Variants in RUBCNL observed in about 807,000 individuals in gnomAD.
RUBCNL encodes protein associated with UVRAG as autophagy enhancer.
A neutral mutation model predicts 69.5 loss-of-function variants in RUBCNL; 62 were observed. The ratio of observed to expected loss-of-function variants is 0.89; its 90% confidence interval spans 0.73 to 1.10. The LOEUF (loss-of-function observed/expected upper bound fraction) is 1.10. Ranked by LOEUF, RUBCNL falls within the 50% of genes least tolerant of loss-of-function variation. The pLI, the probability that RUBCNL is intolerant of heterozygous loss-of-function variation, is 0.00. For missense variants in RUBCNL, 768 were observed against 798.1 expected, an observed-to-expected ratio of 0.96 and a Z score of 0.45; for synonymous variants, 291 against 303.6, an observed-to-expected ratio of 0.96 and a Z score of 0.43.
At chr13:46,355,561 GT>G in intron 10 of RUBCNL, among the ~76,000 whole-genome samples, 1 of 152,244 alleles carries the variant, frequency 6.6e-6, no homozygotes, top group East Asian at 1.9e-4. Flanking sequence ...GCCTCCCAAA[GT>G]GCTGGGATTA....
chr13:46,350,285 T>A lies in RUBCNL; in HGVS notation c.1397A>T (p.Tyr466Phe), dbSNP rs745989558. ...GKYFCDCCHS[Y>F]AESCIPARIL... ...TCGGGCAGGGATGCACGACTCTGCA[T>A]ATGAGTGGCAGCAGTCACAGAAATA... Residue 466 changes from tyrosine to phenylalanine, a missense_variant, in exon 11 of 15, where the codon TAT becomes TTT. By Grantham distance (22) the Tyr-to-Phe change is conservative (BLOSUM62 3). Coordinates refer to ENST00000429979, the MANE Select transcript of RUBCNL (RefSeq NM_025113.5). 44 of 1,583,632 alleles carry A rather than the reference T, an allele frequency of 2.8e-5. 1 individual carries two copies. In the East Asian group the frequency reaches 1.0e-3, roughly 36 times the overall value.
At position 46,372,064 on chromosome 13, in the gene RUBCNL, G is replaced by A. The variant is rs142606786; in HGVS notation, c.412C>T (p.Arg138Cys). 5.8e-5 allele frequency: 94 copies of A among 1,613,860 alleles called. No individual in the cohort carries two copies. Among genetic ancestry groups the A allele is most frequent in the African/African-American group, 1.1e-4 (8 of 74,888 alleles). ...SLSSTEVHMVRPGYSHRVSLP... is the reference protein window; with the variant it reads ...SLSSTEVHMVCPGYSHRVSLP... ...GACACCCGATGAGAGTATCCTGGGC[G>A]GACCATGTGTACCTCTGTTGAGGAC... Residue 138 changes from arginine to cysteine, a missense_variant, in exon 3 of 15, where the codon CGC (arginine) becomes TGC (cysteine). Transcript: ENST00000429979.
At chr13:46,343,565 G>T in intron 14 of RUBCNL, 68 bp from the exon 15 acceptor site, 1 of 1,505,474 alleles carries the variant, frequency 6.6e-7, no homozygotes, top group Non-Finnish European at 9.1e-7. Flanking sequence ...GCAGACATTC[G>T]TCTCCATCCT....
At chr13:46,364,130 T>C (rs1378847840) in intron 5 of RUBCNL, among the ~76,000 whole-genome samples, 5 of 152,096 alleles carry the variant, frequency 3.3e-5, no homozygotes, top group African/African-American at 1.2e-4. Flanking sequence ...GCGCAGTGGC[T>C]CATGCCTGTA....
Position 46,365,164 on chromosome 13 carries a change from G to A in RUBCNL, c.827-1951C>T, listed in dbSNP as rs749321371. On this transcript the variant is annotated intron_variant, in intron 5 of 14. Transcript: ENST00000429979. ...CTAAAAATACAAAAATTAGCTGGGC[G>A]TGATGGTGTGCGGCTGTAATCCCAG... Among the ~76,000 whole-genome samples, 49 of 151,918 alleles carry A rather than the reference G, an allele frequency of 3.2e-4. 1 individual carries two copies. The highest frequency in any genetic ancestry group is 2.7e-3 in the Admixed American group (41 of 15,230).
At chr13:46,388,199 C>CAAAAAAAAA (rs71074779), upstream of RUBCNL, among the ~76,000 whole-genome samples, 1 of 68,202 alleles carries the variant, frequency 1.5e-5, no homozygotes, top group Non-Finnish European at 2.5e-5. Flanking sequence ...GCAAGACTGT[C>CAAAAAAAAA]AAAAAAAAAA....
intron 5 of RUBCNL, among the ~76,000 whole-genome samples, chr13:46,364,699 G>GC (rs576718784): frequency 1.5e-5 from 2 of 136,500 alleles, no homozygotes; most frequent in Non-Finnish European, 3.2e-5. Flanking sequence ...TTCTACCCTT[G>GC]TTTTTTTTTT....
chr13:46,371,829 T>C, intron 3 of RUBCNL, 112 bp downstream of exon 3: 1 of 1,102,360 alleles, frequency 9.1e-7, no homozygotes, highest in Non-Finnish European at 1.3e-6. Context: ...GCTGACAATA[T>C]TAGATGAGGC....
At chr13:46,371,653 A>G (rs1402824980) in intron 3 of RUBCNL, among the ~76,000 whole-genome samples, 2 of 152,248 alleles carry the variant, frequency 1.3e-5, no homozygotes, top group East Asian at 1.9e-4. Flanking sequence ...TCTCCCCTGT[A>G]GACAATTTAA....
intron 10 of RUBCNL, among the ~76,000 whole-genome samples, chr13:46,351,488 C>CA (rs1030280605): frequency 3.9e-4 from 59 of 152,194 alleles, no homozygotes; most frequent in African/African-American, 1.4e-3. Context: ...TCTGTTACTC[C>CA]ATCAGACAGA....
intron 3 of RUBCNL, 68 bp downstream of exon 3, chr13:46,371,873 G>C: frequency 3.3e-6 from 5 of 1,495,412 alleles, no homozygotes; most frequent in Non-Finnish European, 4.6e-6. Flanking sequence ...CAACAAGGCA[G>C]GCTTTAGAGC....
At chr13:46,387,722 C>T, upstream of RUBCNL, 1 of 985,536 alleles carries the variant, frequency 1.0e-6, no homozygotes, top group African/African-American at 1.7e-5. Flanking sequence ...GCTGCTTCAC[C>T]TGGAGTCTGA....
intron 3 of RUBCNL, among the ~76,000 whole-genome samples, chr13:46,371,636 C>A (rs894567779): frequency 1.3e-5 from 2 of 152,226 alleles, no homozygotes; most frequent in African/African-American, 4.8e-5. Context: ...GAGAGTGCTT[C>A]CGATGCTCTC....
chr13:46,369,979 C>T (rs1458135859), intron 3 of RUBCNL, among the ~76,000 whole-genome samples: 3 of 152,248 alleles, frequency 2.0e-5, no homozygotes, highest in Non-Finnish European at 4.4e-5. Flanking sequence ...GAGAGCCATA[C>T]AGTATCTGTT....
In RUBCNL at chr13:46,360,447, C is replaced by G. The variant is rs575386761; in HGVS notation, c.1120-816G>C. ...CAAACCTTATTTCCATAAAGAACAA[C>G]CTCTCAGACACAAATACTCACAAAC... On this transcript the variant is annotated intron_variant, in intron 8 of 14. Coordinates refer to ENST00000429979, the MANE Select transcript of RUBCNL (RefSeq NM_025113.5). Among the ~76,000 whole-genome samples the G allele has an allele frequency of 2.0e-5, 3 of 152,310 alleles. No individual in the cohort carries two copies. In the South Asian group the frequency reaches 6.2e-4, roughly 32 times the overall value.
At chr13:46,382,834 C>CT (rs368390731) in intron 1 of RUBCNL, among the ~76,000 whole-genome samples, 1 of 152,318 alleles carries the variant, frequency 6.6e-6, no homozygotes, top group African/African-American at 2.4e-5. Flanking sequence ...CGCGCCTGGC[C>CT]TATCCATGCT....
At chr13:46,344,937 C>T in intron 13 of RUBCNL, 106 bp from the exon 14 acceptor site, 1 of 711,150 alleles carries the variant, frequency 1.4e-6, no homozygotes, top group South Asian at 1.7e-5. Context: ...TCTATGATTC[C>T]AGCCTCTAGA....
At chr13:46,369,231 T>C (rs187518377) in intron 3 of RUBCNL, among the ~76,000 whole-genome samples, 3 of 152,184 alleles carry the variant, frequency 2.0e-5, no homozygotes, top group South Asian at 2.1e-4. Context: ...TCTTCTTCTT[T>C]TGAGACAATA....
Position 46,350,149 on chromosome 13 carries a change from G to A in RUBCNL, c.1533C>T (p.Ser511=), listed in dbSNP as rs1314899031. Residue 511 remains serine, a synonymous_variant, in exon 11 of 15, where the codon AGC becomes AGT. Transcript: ENST00000429979. Reference sequence around the variant, plus strand: ...CCAGCTCCTTGGCTTTCGCATACAGGCTTTGGCCGATGCTCAGCAAATTGA... The same window carrying A: ...CCAGCTCCTTGGCTTTCGCATACAGACTTTGGCCGATGCTCAGCAAATTGA... ...PIFNLLSIGQ[S]LYAKAKELDR... 6.3e-7 allele frequency: 1 copy of A among 1,579,600 alleles called. No individual in the cohort carries two copies. The highest frequency in any genetic ancestry group is 8.6e-7 in the Non-Finnish European group (1 of 1,162,094).
Sources: allele counts gnomAD v4.1 joint callset (sites outside exome capture counted in the v4.1 genomes callset), GRCh38; gene constraint gnomAD v4.1.1; transcripts MANE v1.5; gene names NCBI Gene and HGNC (gene_info 2026-07-23, HGNC 2026-07-21).